Variants in MAPKAP1 observed in about 807,000 individuals in gnomAD.
MAPKAP1 encodes the protein MAPK associated protein 1, also known as target of rapamycin complex 2 subunit MAPKAP1.
A neutral mutation model predicts 65.7 loss-of-function variants in MAPKAP1; 20 were observed. The ratio of observed to expected loss-of-function variants is 0.30; its 90% CI spans 0.21 to 0.44. The LOEUF is 0.44. MAPKAP1 is among the 20% of genes least tolerant of loss of function. MAPKAP1 has a pLI of 1.00. For missense variants in MAPKAP1, 423 were observed against 648.0 expected, an observed-to-expected ratio of 0.65 and a Z score of 3.77; for synonymous variants, 222 against 244.3, an observed-to-expected ratio of 0.91 and a Z score of 0.85.
chr9:125,438,839 G>A lies in MAPKAP1; in HGVS notation c.*48C>T. On this transcript the variant is annotated 3_prime_UTR_variant, in exon 12 of 12. Transcript: ENST00000265960. ...GGTGGACTCTAGGGCACTTGGCCCT[G>A]GCAGGCAGGCTCTGAGCTACGGAAC... 6.2e-7 allele frequency: 1 copy of A among 1,612,212 alleles called. No homozygotes were observed. The highest frequency in any genetic ancestry group is 8.5e-7 in the Non-Finnish European group (1 of 1,178,978).
chr9:125,517,275 CA>C (rs1224853039), intron 7 of MAPKAP1, among the ~76,000 whole-genome samples: 3 of 152,124 alleles, frequency 2.0e-5, no homozygotes, highest in African/African-American at 7.2e-5. Flanking sequence ...GGAGACCAGG[CA>C]GCAGGGAAGA....
At chr9:125,640,135 G>A (rs748409915) in intron 4 of MAPKAP1, among the ~76,000 whole-genome samples, 1 of 151,496 alleles carries the variant, frequency 6.6e-6, no homozygotes, top group East Asian at 2.0e-4. Flanking sequence ...ACGGAGTCTC[G>A]CTCTGTCACC....
chr9:125,577,391 G>C (rs1223745550), intron 5 of MAPKAP1, among the ~76,000 whole-genome samples: 1 of 150,096 alleles, frequency 6.7e-6, no homozygotes, highest in Admixed American at 6.6e-5. Context: ...GGGAGGTGGG[G>C]GGTCAGCCCC....
chr9:125,519,716 C>T (rs1829567503), intron 7 of MAPKAP1, among the ~76,000 whole-genome samples: 1 of 150,820 alleles, frequency 6.6e-6, no homozygotes, highest in Non-Finnish European at 1.5e-5. Flanking sequence ...AGGCAGGCCA[C>T]AACTGCAGAC....
Position 125,585,737 on chromosome 9 carries a change from G to C in MAPKAP1, c.499-10C>G. The C allele has an allele frequency of 6.2e-7, 1 of 1,612,678 alleles. No individual in the cohort carries two copies. Among genetic ancestry groups the C allele is most frequent in the Non-Finnish European group, 8.5e-7 (1 of 1,178,880 alleles). On this transcript the variant is annotated splice_polypyrimidine_tract_variant and intron_variant, in intron 4 of 11. Transcript: ENST00000265960. ...TTGTACCTACATGACCCTGTGGACAGAACAAACACGTGAGAGCAAAGCACA... is the reference window on the plus strand; with the variant it reads ...TTGTACCTACATGACCCTGTGGACACAACAAACACGTGAGAGCAAAGCACA...
At chr9:125,502,894 T>C (rs915582083) in intron 8 of MAPKAP1, among the ~76,000 whole-genome samples, 1 of 152,196 alleles carries the variant, frequency 6.6e-6, no homozygotes, top group African/African-American at 2.4e-5. Context: ...CCCTCCATGA[T>C]TGGAGACCTG....
intron 7 of MAPKAP1, among the ~76,000 whole-genome samples, chr9:125,511,781 A>G (rs1405485345): frequency 6.6e-6 from 1 of 152,258 alleles, no homozygotes; most frequent in Non-Finnish European, 1.5e-5. Context: ...CACTTTGGAA[A>G]GAGGATTTAA....
At chr9:125,632,976 A>T (rs925781528) in intron 4 of MAPKAP1, among the ~76,000 whole-genome samples, 5 of 152,230 alleles carry the variant, frequency 3.3e-5, no homozygotes, top group African/African-American at 9.7e-5. Flanking sequence ...TATCCAAGAA[A>T]GAAATGGGCT....
chr9:125,518,736 A>G (rs1293829534), intron 7 of MAPKAP1, among the ~76,000 whole-genome samples: 1 of 152,228 alleles, frequency 6.6e-6, no homozygotes, highest in Non-Finnish European at 1.5e-5. Context: ...AATTTATAAG[A>G]TATAGAATGT....
chr9:125,626,245 C>T (rs1833114800), intron 4 of MAPKAP1, among the ~76,000 whole-genome samples: 1 of 152,194 alleles, frequency 6.6e-6, no homozygotes, highest in Non-Finnish European at 1.5e-5. Context: ...CTGGCATGGC[C>T]TCACCTGTTC....
chr9:125,505,919 A>G (rs1164782564), intron 8 of MAPKAP1: 1 of 237,140 alleles, frequency 4.2e-6, no homozygotes, highest in East Asian at 9.8e-5. Context: ...GCCTCCTGCT[A>G]GAATATGCAA....
At position 125,517,457 on chromosome 9, in the gene MAPKAP1, T is replaced by C. The variant is rs190568868; in HGVS notation, c.959-11040A>G. Among the ~76,000 whole-genome samples the C allele has an allele frequency of 3.9e-5, 6 of 152,318 alleles. No homozygotes were observed. The East Asian group carries it at 5.8e-4, about 15-fold the overall frequency. ...CTGCCTCAATCCACAGTTCTGAAAG[T>C]GTGATTTCTTTAGGGTTTAACTATA... On this transcript the variant is annotated intron_variant, in intron 7 of 11. Coordinates refer to ENST00000265960, the MANE Select transcript of MAPKAP1 (RefSeq NM_001006617.3).
intron 6 of MAPKAP1, among the ~76,000 whole-genome samples, chr9:125,545,500 A>T (rs1173307619): frequency 6.6e-6 from 1 of 152,304 alleles, no homozygotes; most frequent in East Asian, 1.9e-4. Flanking sequence ...GTTCTCGGGT[A>T]CTCACAAACT....
At chr9:125,571,053 G>A (rs525356) in intron 5 of MAPKAP1, among the ~76,000 whole-genome samples, 140,885 of 152,252 alleles carry the variant, frequency 0.93, 66,057 homozygotes, top group East Asian at 1. Context: ...ACATTAATAT[G>A]AAGGTGAAAT....
In MAPKAP1 at chr9:125,704,501, T is replaced by A. The variant is rs539498264; in HGVS notation, c.-70+2470A>T. ...CACACAGACATCTCCTCTACTAGAA[T>A]GTCAATAACCTCAGGATAGGGACCC... On this transcript the variant is annotated intron_variant, in intron 1 of 11. Transcript: ENST00000265960. 8.5e-5 allele frequency among the ~76,000 whole-genome samples: 13 copies of A among 152,324 alleles called. No individual in the cohort carries two copies. In the East Asian group the frequency reaches 2.1e-3, roughly 25 times the overall value.
chr9:125,693,538 C>CAT (rs1268756363), intron 1 of MAPKAP1, among the ~76,000 whole-genome samples: 3 of 95,864 alleles, frequency 3.1e-5, no homozygotes, highest in East Asian at 7.1e-4. Flanking sequence ...CATATACACA[C>CAT]ACATATATAC....
intron 6 of MAPKAP1, among the ~76,000 whole-genome samples, chr9:125,553,955 C>T (rs761691609): frequency 2.5e-4 from 37 of 150,626 alleles, no homozygotes; most frequent in Non-Finnish European, 3.0e-5. Flanking sequence ...GACGATTGCT[C>T]GAGCCTGGGA....
intron 4 of MAPKAP1, among the ~76,000 whole-genome samples, chr9:125,591,625 G>C (rs1376989347): frequency 6.6e-6 from 1 of 152,180 alleles, no homozygotes; most frequent in African/African-American, 2.4e-5. Flanking sequence ...AGGAAATGAT[G>C]ATGGGAAAAG....
At chr9:125,657,911 T>A in intron 3 of MAPKAP1, 112 bp from the exon 4 acceptor site, 1 of 1,007,286 alleles carries the variant, frequency 9.9e-7, no homozygotes, top group Non-Finnish European at 1.5e-6. Context: ...AGAGACATGT[T>A]CAGGTCGGAT....
Sources: allele counts gnomAD v4.1 joint callset (sites outside exome capture counted in the v4.1 genomes callset), GRCh38; gene constraint gnomAD v4.1.1; transcripts MANE v1.5; gene names NCBI Gene and HGNC (gene_info 2026-07-23, HGNC 2026-07-21).